BEND6: variants seen among roughly 807,000 people sequenced by gnomAD.
BEND6 encodes BEN domain containing 6, also known as BEN domain-containing protein 6.
A neutral mutation model predicts 31.8 loss-of-function variants in BEND6; 24 were observed. That is an observed-to-expected ratio of 0.75 (90% CI 0.55 to 1.06). The LOEUF is 1.06. BEND6 is among the 50% of genes least tolerant of loss of function. The pLI is 0.00. For missense variants in BEND6, 294 were observed against 327.4 expected, an observed-to-expected ratio of 0.90 and a Z score of 0.79; for synonymous variants, 109 against 114.6, an observed-to-expected ratio of 0.95 and a Z score of 0.31.
At chr6:56,962,609 G>T (rs985347762) in intron 1 of BEND6, among the ~76,000 whole-genome samples, 19 of 152,268 alleles carry the variant, frequency 1.2e-4, no homozygotes, top group South Asian at 2.1e-4. Context: ...GGCCTAGTGG[G>T]CACTGTTCTT....
At chr6:56,999,156 C>A (rs996420199) in intron 3 of BEND6, among the ~76,000 whole-genome samples, 3 of 152,162 alleles carry the variant, frequency 2.0e-5, no homozygotes, top group African/African-American at 7.2e-5. Context: ...GTGGGACTCT[C>A]TCCACTCCAT....
At chr6:56,988,138 T>C (rs1826351743) in intron 2 of BEND6, among the ~76,000 whole-genome samples, 2 of 151,668 alleles carry the variant, frequency 1.3e-5, no homozygotes, top group Non-Finnish European at 2.9e-5. Context: ...TGCCTCAGCC[T>C]CCCAGGTAGC....
chr6:57,000,955 T>C (rs1413587439), intron 3 of BEND6, among the ~76,000 whole-genome samples: 1 of 141,542 alleles, frequency 7.1e-6, no homozygotes, highest in Admixed American at 7.2e-5. Flanking sequence ...CAGTATTCAC[T>C]ATAGCCACAC....
chr6:57,022,824 G>A (rs985007640), intron 6 of BEND6, among the ~76,000 whole-genome samples: 15 of 152,182 alleles, frequency 9.9e-5, no homozygotes, highest in Admixed American at 5.2e-4. Flanking sequence ...ATTTGGGAAT[G>A]TTGTATCTCC....
At chr6:56,993,171 G>T (rs1826573300) in intron 3 of BEND6, among the ~76,000 whole-genome samples, 1 of 152,100 alleles carries the variant, frequency 6.6e-6, no homozygotes, top group Non-Finnish European at 1.5e-5. Context: ...AAACTACTTG[G>T]CTTAATGCCT....
intron 2 of BEND6, among the ~76,000 whole-genome samples, chr6:56,985,406 C>A (rs1826221993): frequency 6.6e-6 from 1 of 152,084 alleles, no homozygotes; most frequent in African/African-American, 2.4e-5. Flanking sequence ...GTCCCTCTTA[C>A]CTTGTTGATC....
chr6:57,023,338 A>G (rs977108543), intron 6 of BEND6, among the ~76,000 whole-genome samples: 6 of 152,204 alleles, frequency 3.9e-5, no homozygotes, highest in Non-Finnish European at 8.8e-5. Context: ...AAACTATTAT[A>G]GCCTCTTGCT....
intron 2 of BEND6, 120 bp from the exon 3 acceptor site, chr6:56,992,258 A>G: frequency 1.8e-6 from 2 of 1,126,366 alleles, no homozygotes; most frequent in Non-Finnish European, 2.5e-6. Flanking sequence ...CTAGATCAGC[A>G]GCAGGAAGTG....
chr6:56,965,558 A>G (rs1241254044), intron 1 of BEND6, among the ~76,000 whole-genome samples: 2 of 151,748 alleles, frequency 1.3e-5, no homozygotes, highest in Non-Finnish European at 2.9e-5. Context: ...AGAAAAATGC[A>G]TTATAAAATC....
At chr6:56,981,470 T>TG (rs1826065414) in intron 1 of BEND6, among the ~76,000 whole-genome samples, 5 of 152,202 alleles carry the variant, frequency 3.3e-5, no homozygotes, top group Non-Finnish European at 7.3e-5. Context: ...TGAAAAAGTG[T>TG]TACAATATTT....
chr6:56,996,766 C>T (rs538868620), intron 3 of BEND6, among the ~76,000 whole-genome samples: 1 of 152,304 alleles, frequency 6.6e-6, no homozygotes, highest in Non-Finnish European at 1.5e-5. Flanking sequence ...CTAGCTTTGC[C>T]TTCAAAATAT....
At chr6:56,976,039 A>T (rs552529224) in intron 1 of BEND6, 1 of 454,768 alleles carries the variant, frequency 2.2e-6, no homozygotes, top group South Asian at 1.9e-5. Flanking sequence ...AGCACTAAGA[A>T]CAGGACACGA....
intron 1 of BEND6, among the ~76,000 whole-genome samples, chr6:56,958,535 C>T (rs1592958732): frequency 6.6e-6 from 1 of 152,020 alleles, no homozygotes; most frequent in Non-Finnish European, 1.5e-5. Context: ...ATGGAAGCCT[C>T]AGAAGGACAT....
intron 1 of BEND6, among the ~76,000 whole-genome samples, chr6:56,968,307 CTTTT>C (rs1562535950): frequency 1.9e-5 from 2 of 106,494 alleles, no homozygotes; most frequent in Non-Finnish European, 3.8e-5. Flanking sequence ...TTCTTTCTTT[CTTTT>C]CTTTTTTTTT....
At chr6:57,015,666 G>T (rs553073854) in intron 4 of BEND6, among the ~76,000 whole-genome samples, 1 of 151,514 alleles carries the variant, frequency 6.6e-6, no homozygotes, top group African/African-American at 2.4e-5. Context: ...TTAACCGGAC[G>T]TGATGACGGG....
intron 1 of BEND6, chr6:56,975,523 A>T (rs138256677): frequency 4.9e-6 from 1 of 205,172 alleles, no homozygotes; most frequent in East Asian, 1.4e-4. Flanking sequence ...TCCACATTTC[A>T]TATTAGAGGA....
At chr6:56,982,782 T>G (rs1486211292) in intron 2 of BEND6, among the ~76,000 whole-genome samples, 1 of 152,196 alleles carries the variant, frequency 6.6e-6, no homozygotes, top group Non-Finnish European at 1.5e-5. Flanking sequence ...TTACATTTAT[T>G]GCTTTCTTGT....
At chr6:56,966,896 A>G (rs1293565045) in intron 1 of BEND6, among the ~76,000 whole-genome samples, 1 of 152,224 alleles carries the variant, frequency 6.6e-6, no homozygotes, top group Admixed American at 6.5e-5. Flanking sequence ...AAGAGCATGC[A>G]TGAAGAAAAG....
At chr6:56,966,925 C>A (rs1345958011) in intron 1 of BEND6, among the ~76,000 whole-genome samples, 3 of 152,148 alleles carry the variant, frequency 2.0e-5, no homozygotes, top group African/African-American at 7.2e-5. Flanking sequence ...AAATAAACCC[C>A]TTTGCCACTG....
Sources: gnomAD v4.1 joint callset for allele counts (sites outside exome capture counted in the v4.1 genomes callset) on GRCh38, gnomAD v4.1.1 for gene constraint, MANE v1.5 for transcripts, NCBI Gene and HGNC (gene_info 2026-07-23, HGNC 2026-07-21) for gene names.